Variants in COLQ observed in about 807,000 individuals in gnomAD.
COLQ encodes the protein acetylcholinesterase collagenic tail peptide.
Under a neutral mutation model 69.0 loss-of-function variants are expected in COLQ, and 48 were observed. The ratio of observed to expected loss-of-function variants is 0.70; its 90% CI spans 0.55 to 0.88. COLQ has a LOEUF of 0.88. Ranked by LOEUF, COLQ falls within the 40% of genes least tolerant of loss-of-function variation. The pLI is 0.00. For missense variants in COLQ, 618 were observed against 594.6 expected (o/e 1.04, Z -0.41); for synonymous variants, 217 against 211.2 (o/e 1.03, Z -0.24).
intron 5 of COLQ, among the ~76,000 whole-genome samples, chr3:15,478,424 T>C: frequency 6.6e-6 from 1 of 152,340 alleles, no homozygotes; most frequent in East Asian, 1.9e-4. Context: ...TCAGTGCCAG[T>C]ATCCACTGAC....
intron 1 of COLQ, 141 bp downstream of exon 1, chr3:15,521,379 G>A: frequency 9.1e-7 from 1 of 1,092,980 alleles, no homozygotes; most frequent in Non-Finnish European, 1.3e-6. Flanking sequence ...ACAGGAAGCT[G>A]CTGGGGTGGC....
At chr3:15,468,234 G>C (rs1350807025) in intron 11 of COLQ, among the ~76,000 whole-genome samples, 2 of 151,256 alleles carry the variant, frequency 1.3e-5, no homozygotes, top group Non-Finnish European at 2.9e-5. Flanking sequence ...TCACTGAGTA[G>C]AGCTTTCCAG....
chr3:15,498,469 C>CCACACAAA (rs2062781830), intron 1 of COLQ: 1 of 1,442,352 alleles, frequency 6.9e-7, no homozygotes, highest in African/African-American at 1.4e-5. Flanking sequence ...GCATGTGCAT[C>CCACACAAA]CACACACACA....
In COLQ at chr3:15,467,624, G is replaced by A. The variant is rs1257179812; in HGVS notation, c.718-1187C>T. 14 of 332,824 alleles carry A rather than the reference G, an allele frequency of 4.2e-5. No individual in the cohort carries two copies. The Admixed American group carries it at 5.3e-4, about 12-fold the overall frequency. The allele number at this position is 332,824 out of a possible 1,614,324, so 20.6% of individuals were successfully genotyped here. A position where few individuals can be genotyped will look rare whatever the true frequency, so the allele number is the denominator to read the frequency against. On this transcript the variant is annotated intron_variant, in intron 11 of 16. Transcript: ENST00000383788. ...CTCTTAGGAGTCACCCCGAAACCAA[G>A]GCTGGTGCATGCTATTGACTCTTCC...
intron 1 of COLQ, among the ~76,000 whole-genome samples, chr3:15,490,953 C>T (rs528054390): frequency 6.6e-6 from 1 of 152,176 alleles, no homozygotes; most frequent in South Asian, 2.1e-4. Flanking sequence ...GTTCTGACTC[C>T]AAGCTTGAAT....
chr3:15,500,209 C>T (rs761521447), intron 1 of COLQ, among the ~76,000 whole-genome samples: 1 of 152,142 alleles, frequency 6.6e-6, no homozygotes, highest in Non-Finnish European at 1.5e-5. Flanking sequence ...TGTGTTCCTT[C>T]TCTGGGGAAT....
chr3:15,498,421 TAC>T, intron 1 of COLQ: 2 of 1,368,628 alleles, frequency 1.5e-6, no homozygotes, highest in Non-Finnish European at 2.0e-6. Context: ...AACCTCCTAG[TAC>T]AGTCTGCTTT....
chr3:15,480,841 C>A (rs942367908), intron 3 of COLQ, among the ~76,000 whole-genome samples: 2 of 152,226 alleles, frequency 1.3e-5, no homozygotes, highest in African/African-American at 2.4e-5. Context: ...TCTCCAGCAC[C>A]TGTTGTTTCC....
At chr3:15,489,976 T>C (rs1229645092) in intron 1 of COLQ, among the ~76,000 whole-genome samples, 1 of 152,186 alleles carries the variant, frequency 6.6e-6, no homozygotes, top group Non-Finnish European at 1.5e-5. Flanking sequence ...CCCCCAGTAG[T>C]TGAGGAGAAG....
At chr3:15,511,970 C>T (rs2062992664) in intron 1 of COLQ, among the ~76,000 whole-genome samples, 1 of 152,172 alleles carries the variant, frequency 6.6e-6, no homozygotes, top group Non-Finnish European at 1.5e-5. Flanking sequence ...AGCAGGTGGG[C>T]AGGAAAGTCT....
chr3:15,454,334 G>A (rs1298708593), intron 15 of COLQ, among the ~76,000 whole-genome samples: 2 of 152,188 alleles, frequency 1.3e-5, no homozygotes, highest in African/African-American at 2.4e-5. Flanking sequence ...GAGCTTCTGT[G>A]TGACACTGGT....
chr3:15,466,515 G>T, intron 11 of COLQ, 78 bp from the exon 12 acceptor site: 1 of 1,260,282 alleles, frequency 7.9e-7, no homozygotes, highest in Non-Finnish European at 1.2e-6. Flanking sequence ...CCAAATCAGA[G>T]ATCACCTTGC....
chr3:15,461,878 T>TC (rs554218139), intron 12 of COLQ, among the ~76,000 whole-genome samples: 3 of 151,052 alleles, frequency 2.0e-5, no homozygotes, highest in Non-Finnish European at 3.0e-5. Context: ...TACAGTTTTT[T>TC]CCCCCCCGAG....
In COLQ at chr3:15,453,782, G is replaced by C. The variant is rs1232856129; in HGVS notation, c.1298+47C>G. On this transcript the variant is annotated intron_variant, in intron 16 of 16. Transcript: ENST00000383788. The stretch of plus-strand genomic sequence containing the variant: ...AAGGAAAGAAGGAAAGCAAAGAGGA[G>C]GGAGGGAGAAAGAAGGGGGAGAGGG... 3.3e-6 allele frequency: 4 copies of C among 1,222,196 alleles called. No homozygotes were observed. In the Admixed American group the frequency reaches 7.5e-5, roughly 23 times the overall value. 75.7% of individuals were successfully genotyped at this position (1,222,196 alleles called of 1,614,324 possible).
chr3:15,500,022 A>G (rs1180591682), intron 1 of COLQ, among the ~76,000 whole-genome samples: 1 of 152,234 alleles, frequency 6.6e-6, no homozygotes, highest in Non-Finnish European at 1.5e-5. Context: ...AGTGGCTAAC[A>G]TAGGGCAGGG....
At chr3:15,488,334 GA>G (rs761115817) in intron 2 of COLQ, 27 bp from the exon 3 acceptor site, 16 of 1,594,252 alleles carry the variant, frequency 1.0e-5, no homozygotes, top group Non-Finnish European at 1.4e-5. Context: ...CACAGAGTTA[GA>G]GGTCAGGCGT....
chr3:15,521,181 C>T (rs781769454), intron 1 of COLQ, among the ~76,000 whole-genome samples: 18 of 152,358 alleles, frequency 1.2e-4, no homozygotes, highest in Admixed American at 6.5e-4. Flanking sequence ...CTGAGACTCA[C>T]TTCTCTATTA....
intron 1 of COLQ, among the ~76,000 whole-genome samples, chr3:15,504,036 T>G (rs1220285611): frequency 6.6e-6 from 1 of 152,126 alleles, no homozygotes; most frequent in Non-Finnish European, 1.5e-5. Flanking sequence ...AATCTCTGAT[T>G]ATCCCGACCA....
In COLQ at chr3:15,474,980, A is replaced by C. The variant is rs995413820; in HGVS notation, c.529-29T>G. Reference sequence around the variant, plus strand: ...AAAGAAAGCAGAAGGTACATTTACAATCAGCCCTGTAGGACTTCTGAGTTT... The same window carrying C: ...AAAGAAAGCAGAAGGTACATTTACACTCAGCCCTGTAGGACTTCTGAGTTT... On this transcript the variant is annotated intron_variant, in intron 7 of 16. Coordinates refer to ENST00000383788, the MANE Select transcript of COLQ (RefSeq NM_005677.4). 3 of 1,612,936 alleles carry C rather than the reference A, an allele frequency of 1.9e-6. No individual in the cohort carries two copies. The Admixed American group carries it at 5.0e-5, about 27-fold the overall frequency.
Sources: gnomAD v4.1 joint callset for allele counts (sites outside exome capture counted in the v4.1 genomes callset) on GRCh38, gnomAD v4.1.1 for gene constraint, MANE v1.5 for transcripts, NCBI Gene and HGNC (gene_info 2026-07-23, HGNC 2026-07-21) for gene names.